The following DOK5 variants were observed in gnomAD, a reference collection of about 807,000 sequenced individuals.
The protein encoded by DOK5 is docking protein 5.
DOK5 carries 27 observed loss-of-function variants against 43.3 expected under a neutral mutation model. The ratio of observed to expected loss-of-function variants is 0.62; its 90% CI spans 0.46 to 0.86. DOK5 has a LOEUF of 0.86. Ranked by LOEUF, DOK5 falls within the 40% of genes least tolerant of loss-of-function variation. The pLI is 0.00. For missense variants in DOK5, 373 were observed against 392.9 expected (o/e 0.95, Z 0.43); for synonymous variants, 146 against 140.1 (o/e 1.04, Z -0.30).
intron 4 of DOK5, 102 bp from the exon 5 acceptor site, chr20:54,591,514 A>G (rs1473350410): frequency 1.1e-6 from 1 of 903,762 alleles, no homozygotes; most frequent in East Asian, 2.6e-5. Flanking sequence ...ACCGAAATCT[A>G]GAATGTGAAC....
At chr20:54,477,854 C>T (rs1981496278) in intron 1 of DOK5, among the ~76,000 whole-genome samples, 1 of 152,140 alleles carries the variant, frequency 6.6e-6, no homozygotes, top group Admixed American at 6.5e-5. Context: ...AACTGGTTAC[C>T]ATCACTTTCT....
At chr20:54,497,169 G>C (rs774107317) in intron 1 of DOK5, among the ~76,000 whole-genome samples, 21 of 152,142 alleles carry the variant, frequency 1.4e-4, no homozygotes, top group Non-Finnish European at 2.5e-4. Flanking sequence ...TAACCCATTA[G>C]CTACTTTGAA....
At chr20:54,592,244 C>T (rs1452812933) in intron 5 of DOK5, among the ~76,000 whole-genome samples, 1 of 152,088 alleles carries the variant, frequency 6.6e-6, no homozygotes, top group Non-Finnish European at 1.5e-5. Context: ...GAGTTTTTAC[C>T]AGCTGCAATT....
intron 5 of DOK5, among the ~76,000 whole-genome samples, chr20:54,608,643 T>G (rs1986543755): frequency 6.6e-6 from 1 of 151,168 alleles, no homozygotes; most frequent in African/African-American, 2.5e-5. Flanking sequence ...AGCCTTCATG[T>G]TTTTCCCTCT....
intron 5 of DOK5, among the ~76,000 whole-genome samples, chr20:54,593,647 G>A (rs1986047505): frequency 6.6e-6 from 1 of 152,030 alleles, no homozygotes; most frequent in Non-Finnish European, 1.5e-5. Flanking sequence ...GGAAACACAG[G>A]GAGACCCCAT....
intron 1 of DOK5, among the ~76,000 whole-genome samples, chr20:54,526,928 T>C (rs1983596786): frequency 1.3e-5 from 2 of 152,234 alleles, no homozygotes; most frequent in South Asian, 4.1e-4. Flanking sequence ...ATAGTTATTA[T>C]AGTCCATGTT....
At chr20:54,641,142 G>A (rs6023442) in intron 6 of DOK5, among the ~76,000 whole-genome samples, 6 of 152,206 alleles carry the variant, frequency 3.9e-5, no homozygotes, top group African/African-American at 1.4e-4. Context: ...TACTAGCTTA[G>A]TACTTAGCTT....
chr20:54,544,832 G>A (rs954940423), intron 1 of DOK5, among the ~76,000 whole-genome samples: 1 of 152,162 alleles, frequency 6.6e-6, no homozygotes, highest in Non-Finnish European at 1.5e-5. Context: ...GCAAAAGCCT[G>A]AGAAGACAAC....
chr20:54,633,027 C>T (rs140014955), intron 6 of DOK5, among the ~76,000 whole-genome samples: 1,876 of 152,126 alleles, frequency 0.012, 39 homozygotes, highest in South Asian at 0.07. Context: ...GCTGAGATCG[C>T]GCCATTGCAC....
At chr20:54,588,935 A>C in intron 4 of DOK5, 129 bp downstream of exon 4, 1 of 947,550 alleles carries the variant, frequency 1.1e-6, no homozygotes, top group Non-Finnish European at 1.5e-6. Flanking sequence ...GTAATCTTTT[A>C]TCTAATCCAC....
chr20:54,475,664 C>T lies in DOK5; in HGVS notation c.-283C>T, dbSNP rs1981386442. 2.5e-5 allele frequency: 13 copies of T among 517,032 alleles called. No homozygotes were observed. In the East Asian group the frequency reaches 4.5e-4, roughly 18 times the overall value. 32.0% of individuals were successfully genotyped at this position (517,032 alleles called of 1,614,324 possible). On this transcript the variant is annotated 5_prime_UTR_variant, in exon 1 of 8. Coordinates refer to ENST00000262593, the MANE Select transcript of DOK5 (RefSeq NM_018431.5). This position sits in a 1 kb window ranked among gnomAD's most constrained non-coding sequence, Gnocchi z 4.2. ...CAGCCGCCGCCGCTCCTCCTCCTGG[C>T]AGGCCGGCCGCGGAGTCAGCTGACG...
intron 5 of DOK5, among the ~76,000 whole-genome samples, chr20:54,599,300 T>C (rs1333260115): frequency 6.6e-6 from 1 of 152,224 alleles, no homozygotes; most frequent in Non-Finnish European, 1.5e-5. Context: ...GAACAAACAT[T>C]GTGTCATTTA....
At chr20:54,555,631 T>C (rs1468500757) in intron 2 of DOK5, 2 of 152,396 alleles carry the variant, frequency 1.3e-5, no homozygotes, top group East Asian at 3.9e-4. Context: ...TGGCAGTATA[T>C]TTCCGTGGTC....
At chr20:54,575,139 C>G (rs1478462868) in intron 2 of DOK5, among the ~76,000 whole-genome samples, 1 of 152,166 alleles carries the variant, frequency 6.6e-6, no homozygotes, top group African/African-American at 2.4e-5. Flanking sequence ...ACAGACAGAT[C>G]TAGAACACGG....
chr20:54,490,872 G>C (rs1360643081), intron 1 of DOK5, among the ~76,000 whole-genome samples: 1 of 152,236 alleles, frequency 6.6e-6, no homozygotes. Flanking sequence ...ACAGGCGTGA[G>C]CCACCGCGCC....
chr20:54,576,650 A>T (rs553401160), intron 2 of DOK5, among the ~76,000 whole-genome samples: 1 of 152,182 alleles, frequency 6.6e-6, no homozygotes, highest in African/African-American at 2.4e-5. Flanking sequence ...GTGCTTTGCC[A>T]CAGGACCTGG....
At chr20:54,553,110 A>G (rs1984583572) in intron 1 of DOK5, among the ~76,000 whole-genome samples, 1 of 152,254 alleles carries the variant, frequency 6.6e-6, no homozygotes, top group Non-Finnish European at 1.5e-5. Context: ...TTAAGGATCG[A>G]GGATAATCAT....
intron 1 of DOK5, among the ~76,000 whole-genome samples, chr20:54,500,820 C>T (rs577470656): frequency 6.6e-6 from 1 of 152,208 alleles, no homozygotes; most frequent in Non-Finnish European, 1.5e-5. Context: ...CTCAGCCTCC[C>T]AAAGTGCTGG....
intron 1 of DOK5, among the ~76,000 whole-genome samples, chr20:54,522,598 C>T (rs1024313537): frequency 2.6e-5 from 4 of 150,962 alleles, no homozygotes; most frequent in African/African-American, 9.8e-5. Context: ...TGGCTCACTG[C>T]AACCTCTGTC....
Sources: allele counts gnomAD v4.1 joint callset (sites outside exome capture counted in the v4.1 genomes callset), GRCh38; gene constraint gnomAD v4.1.1; non-coding constraint Gnocchi (gnomAD v3.1); transcripts MANE v1.5; gene names NCBI Gene and HGNC (gene_info 2026-07-23, HGNC 2026-07-21).